Variants in SLMAP observed in about 807,000 individuals in gnomAD.
The protein encoded by SLMAP is sarcolemma associated protein, also known as sarcolemmal membrane-associated protein.
In SLMAP, 44 loss-of-function variants were observed where a neutral mutation model predicts 128.8. The observed-to-expected ratio is 0.34, with a 90% CI of 0.27 to 0.44. SLMAP has a LOEUF of 0.44. Among genes scored for constraint, SLMAP ranks in the 20% least tolerant of loss-of-function variants. SLMAP has a pLI of 1.00. For synonymous variants in SLMAP, 327 were observed against 348.8 expected, an observed-to-expected ratio of 0.94 and a Z score of 0.70; for missense variants, 787 against 985.3, an observed-to-expected ratio of 0.80 and a Z score of 2.69.
At chr3:57,906,364 G>A (rs1559513652) in intron 17 of SLMAP, among the ~76,000 whole-genome samples, 1 of 123,108 alleles carries the variant, frequency 8.1e-6, no homozygotes, top group East Asian at 2.8e-4. Context: ...CGCCCAGGCT[G>A]GAGTGCAGTG....
intron 2 of SLMAP, among the ~76,000 whole-genome samples, chr3:57,807,841 A>C (rs1175017791): frequency 6.6e-6 from 1 of 152,208 alleles, no homozygotes; most frequent in East Asian, 1.9e-4. Context: ...TTTCAGAAGG[A>C]ATGGTACCAG....
At chr3:57,789,761 A>T (rs7644867) in intron 2 of SLMAP, among the ~76,000 whole-genome samples, 50,326 of 152,036 alleles carry the variant, frequency 0.33, 8,962 homozygotes, top group East Asian at 0.48. Flanking sequence ...TCCCATAGAT[A>T]TTTTGATGTT....
intron 17 of SLMAP, chr3:57,900,059 A>T (rs2096338634): frequency 6.6e-6 from 1 of 152,208 alleles, no homozygotes; most frequent in Non-Finnish European, 1.5e-5. Flanking sequence ...TTTCTCTTAA[A>T]AGTATAAATT....
At chr3:57,757,982 A>G in intron 2 of SLMAP, 133 bp downstream of exon 2, 1 of 724,020 alleles carries the variant, frequency 1.4e-6, no homozygotes, top group Non-Finnish European at 2.3e-6. Flanking sequence ...GCCACGAATC[A>G]ACTGTTTGTG....
chr3:57,842,317 G>A (rs964935765), intron 4 of SLMAP, among the ~76,000 whole-genome samples: 1 of 151,892 alleles, frequency 6.6e-6, no homozygotes, highest in Admixed American at 6.6e-5. Context: ...AAATAGCATA[G>A]GTTTTAAAAC....
At chr3:57,846,141 G>A (rs568965937) in intron 4 of SLMAP, among the ~76,000 whole-genome samples, 2 of 152,210 alleles carry the variant, frequency 1.3e-5, no homozygotes, top group East Asian at 1.9e-4. Context: ...TGCCTGACTC[G>A]ATTATCTCAT....
At chr3:57,884,606 G>A (rs1350342460) in intron 14 of SLMAP, among the ~76,000 whole-genome samples, 1 of 152,092 alleles carries the variant, frequency 6.6e-6, no homozygotes, top group Non-Finnish European at 1.5e-5. Context: ...TCAGGAGTTC[G>A]AGACCAGCTT....
intron 2 of SLMAP, among the ~76,000 whole-genome samples, chr3:57,796,356 A>T (rs2086734077): frequency 6.6e-6 from 1 of 152,180 alleles, no homozygotes; most frequent in African/African-American, 2.4e-5. Context: ...TGGTTGAAAG[A>T]GTGTGGAATT....
At chr3:57,912,223 A>G (rs1378409161) in intron 19 of SLMAP, 158 bp from the exon 20 acceptor site, 2 of 542,744 alleles carry the variant, frequency 3.7e-6, no homozygotes, top group Admixed American at 3.1e-5. Flanking sequence ...CCTCTTTGCT[A>G]TCTGTATTTT....
chr3:57,810,458 A>G (rs1194029514), intron 2 of SLMAP, among the ~76,000 whole-genome samples: 1 of 152,088 alleles, frequency 6.6e-6, no homozygotes. Flanking sequence ...GCGACACCCC[A>G]AGGATCCTGC....
chr3:57,907,593 A>G (rs928364877), intron 17 of SLMAP, among the ~76,000 whole-genome samples: 2 of 152,244 alleles, frequency 1.3e-5, no homozygotes, highest in African/African-American at 2.4e-5. Flanking sequence ...TTAATAAGCA[A>G]TGAGTTATAA....
At chr3:57,881,160 C>A (rs938174053) in intron 14 of SLMAP, among the ~76,000 whole-genome samples, 6 of 151,856 alleles carry the variant, frequency 4.0e-5, no homozygotes, top group African/African-American at 1.5e-4. Context: ...TGCCACTGTA[C>A]TCCAGCCTGG....
chr3:57,812,087 C>T (rs2091082315), intron 2 of SLMAP, among the ~76,000 whole-genome samples: 1 of 152,010 alleles, frequency 6.6e-6, no homozygotes, highest in African/African-American at 2.4e-5. Flanking sequence ...TCATGAAGTC[C>T]CCTTTGTCTT....
At chr3:57,855,296 T>C (rs1289616047) in intron 6 of SLMAP, among the ~76,000 whole-genome samples, 1 of 151,764 alleles carries the variant, frequency 6.6e-6, no homozygotes, top group Non-Finnish European at 1.5e-5. Flanking sequence ...CAGAATTGCT[T>C]GAACCCAGGA....
chr3:57,830,493 C>CT (rs944847161), intron 2 of SLMAP, among the ~76,000 whole-genome samples: 1 of 152,118 alleles, frequency 6.6e-6, no homozygotes, highest in Non-Finnish European at 1.5e-5. Context: ...AAAGGTACGT[C>CT]TTTTTTTACT....
Position 57,776,518 on chromosome 3 carries a change from C to CTCTG in SLMAP, c.198+18672_198+18673insGTCT, listed in dbSNP as rs1225469119. ...CCTGATTTGTCCCTTCTCTCTCTCT[C>CTCTG]TCTCTTTTTTTTTTTTTTTTTTTTT... On this transcript the variant is annotated intron_variant, in intron 2 of 24. Coordinates refer to ENST00000671191, the MANE Select transcript of SLMAP (RefSeq NM_001377540.1). Among the ~76,000 whole-genome samples, 99 of 122,290 alleles carry CTCTG rather than the reference C, an allele frequency of 8.1e-4. 1 individual carries two copies. The highest frequency in any genetic ancestry group is 3.2e-3 in the African/African-American group (96 of 29,948). The allele number at this position is 122,290 out of a possible 152,430, so 80.2% of individuals were successfully genotyped here.
At chr3:57,768,456 C>T (rs1005491406) in intron 2 of SLMAP, among the ~76,000 whole-genome samples, 12 of 152,148 alleles carry the variant, frequency 7.9e-5, no homozygotes, top group African/African-American at 1.9e-4. Flanking sequence ...TGGTGGCTCA[C>T]ACCTGTAATC....
chr3:57,910,409 C>T (rs1198854031), intron 19 of SLMAP, among the ~76,000 whole-genome samples: 1 of 152,044 alleles, frequency 6.6e-6, no homozygotes, highest in African/African-American at 2.4e-5. Flanking sequence ...GTCTCAAACT[C>T]CTGACCTCGT....
At chr3:57,801,342 G>A (rs116314974) in intron 2 of SLMAP, 1,928 of 152,748 alleles carry the variant, frequency 0.013, 29 homozygotes, top group African/African-American at 0.044. Context: ...GAGTACTATT[G>A]TGATAGGCGA....
Sources: gnomAD v4.1 joint callset for allele counts (sites outside exome capture counted in the v4.1 genomes callset) on GRCh38, gnomAD v4.1.1 for gene constraint, MANE v1.5 for transcripts, NCBI Gene and HGNC (gene_info 2026-07-23, HGNC 2026-07-21) for gene names.